The following KLHL3 variants were observed in gnomAD, a reference collection of about 807,000 sequenced individuals.
The protein encoded by KLHL3 is kelch like family member 3.
KLHL3 carries 19 observed loss-of-function variants against 70.5 expected under a neutral mutation model. The observed-to-expected ratio is 0.27, with a 90% confidence interval of 0.19 to 0.40. KLHL3 has a LOEUF of 0.40. Among genes scored for constraint, KLHL3 ranks in the 10% least tolerant of loss-of-function variants. The pLI is 1.00. For synonymous variants in KLHL3, 258 were observed against 290.3 expected (o/e 0.89, Z 1.13); for missense variants, 512 against 771.1 (o/e 0.66, Z 3.98).
intron 1 of KLHL3, among the ~76,000 whole-genome samples, chr5:137,734,278 C>A (rs1753226535): frequency 6.6e-6 from 1 of 152,212 alleles, no homozygotes; most frequent in East Asian, 1.9e-4. Context: ...ACACTGCTCA[C>A]CTCTGCCCCA....
At chr5:137,690,220 G>T (rs368358068) in intron 5 of KLHL3, among the ~76,000 whole-genome samples, 5 of 152,024 alleles carry the variant, frequency 3.3e-5, no homozygotes, top group African/African-American at 1.2e-4. Flanking sequence ...CCAGCTACTC[G>T]GGAGGCTGAG....
intron 8 of KLHL3, among the ~76,000 whole-genome samples, chr5:137,649,970 C>G (rs192784978): frequency 7.2e-4 from 110 of 152,254 alleles, no homozygotes; most frequent in Non-Finnish European, 2.2e-4. Context: ...TCAGTTGTCT[C>G]CAACATTAAA....
intron 12 of KLHL3, chr5:137,630,073 G>A (rs1750596554): frequency 6.6e-6 from 1 of 152,124 alleles, no homozygotes; most frequent in Non-Finnish European, 1.5e-5. Context: ...TTGGTCTCTG[G>A]GTCTTCAGCC....
chr5:137,702,419 AG>A (rs1752589796), intron 3 of KLHL3, among the ~76,000 whole-genome samples: 1 of 152,220 alleles, frequency 6.6e-6, no homozygotes, highest in Non-Finnish European at 1.5e-5. Context: ...AAAGGTCTGG[AG>A]GTAACAAAGG....
chr5:137,647,551 G>A (rs754863396), intron 8 of KLHL3: 30 of 472,148 alleles, frequency 6.4e-5, no homozygotes, highest in Middle Eastern at 6.5e-4. Context: ...TTCTGTGACC[G>A]GTGAGCTGGG....
chr5:137,627,710 C>T (rs1168424476), intron 13 of KLHL3, among the ~76,000 whole-genome samples: 3 of 152,114 alleles, frequency 2.0e-5, no homozygotes, highest in African/African-American at 7.2e-5. Flanking sequence ...GGGCCTCATG[C>T]TCCAAGAAAT....
chr5:137,681,414 G>C (rs1296404661), intron 5 of KLHL3, among the ~76,000 whole-genome samples: 1 of 152,166 alleles, frequency 6.6e-6, no homozygotes, highest in African/African-American at 2.4e-5. Context: ...ACATGACTGA[G>C]AGAGGTACTT....
chr5:137,658,834 T>C (rs1424315149), intron 7 of KLHL3, among the ~76,000 whole-genome samples: 1 of 152,176 alleles, frequency 6.6e-6, no homozygotes, highest in East Asian at 1.9e-4. Flanking sequence ...AATCGGCCAG[T>C]GAGGCTCCTT....
intron 5 of KLHL3, among the ~76,000 whole-genome samples, chr5:137,685,943 C>T (rs1205770237): frequency 6.6e-6 from 1 of 152,154 alleles, no homozygotes; most frequent in Non-Finnish European, 1.5e-5. Context: ...TTCTTTCCAC[C>T]CATGTGCTTT....
At position 137,709,758 on chromosome 5, in the gene KLHL3, A is replaced by G; in HGVS notation, c.233T>C (p.Met78Thr). Residue 78 changes from methionine (M) to threonine (T), a missense_variant, in exon 3 of 15, where the codon ATG becomes ACG. Met to Thr is a moderately conservative substitution (Grantham distance 81). Coordinates refer to ENST00000309755, the MANE Select transcript of KLHL3 (RefSeq NM_017415.3). ...GTGGCCACTCACCATACCTGTGAAC[A>G]TCGCACAGAAGTAGGGGCTGCAGGC... is the stretch of plus-strand genomic sequence containing the variant. Reference protein sequence around the residue: ...LAACSPYFCAMFTGDMSESKA... With the variant: ...LAACSPYFCATFTGDMSESKA... 1 of 1,613,414 alleles carries G rather than the reference A, an allele frequency of 6.2e-7. No homozygotes were observed. Among genetic ancestry groups the G allele is most frequent in the Non-Finnish European group, 8.5e-7 (1 of 1,179,410 alleles).
chr5:137,652,977 T>C (rs1277668486), intron 8 of KLHL3: 1 of 151,728 alleles, frequency 6.6e-6, no homozygotes, highest in Non-Finnish European at 1.5e-5. Context: ...GCGCGGTGGC[T>C]CACGTCTGTA....
chr5:137,708,513 A>T (rs1051829990), intron 3 of KLHL3, among the ~76,000 whole-genome samples: 6 of 152,202 alleles, frequency 3.9e-5, no homozygotes, highest in African/African-American at 1.2e-4. Flanking sequence ...TGCAGGAGAT[A>T]CTTCACTCAC....
chr5:137,734,043 C>T (rs140643467), intron 1 of KLHL3, among the ~76,000 whole-genome samples: 56 of 152,304 alleles, frequency 3.7e-4, no homozygotes, highest in African/African-American at 1.2e-3. Flanking sequence ...AGCTGAGAGG[C>T]CCCAGGACAG....
intron 8 of KLHL3, among the ~76,000 whole-genome samples, chr5:137,655,960 C>G (rs1327662324): frequency 7.4e-6 from 1 of 135,174 alleles, no homozygotes; most frequent in Non-Finnish European, 1.5e-5. Flanking sequence ...CACTGCACTC[C>G]GGCCTGGGTA....
At chr5:137,732,881 GA>G (rs1482702724) in intron 1 of KLHL3, among the ~76,000 whole-genome samples, 1 of 152,016 alleles carries the variant, frequency 6.6e-6, no homozygotes, top group Non-Finnish European at 1.5e-5. Flanking sequence ...AATTAGTTCT[GA>G]AAAAAATGTG....
intron 6 of KLHL3, among the ~76,000 whole-genome samples, chr5:137,676,952 G>C (rs776191529): frequency 3.9e-5 from 6 of 152,182 alleles, no homozygotes; most frequent in Non-Finnish European, 5.9e-5. Flanking sequence ...GGTGGAATGA[G>C]CCCAAGAACA....
At chr5:137,720,339 G>A (rs1013510877) in intron 2 of KLHL3, 126 bp downstream of exon 2, 68 of 1,117,320 alleles carry the variant, frequency 6.1e-5, no homozygotes, top group African/African-American at 4.1e-4. Context: ...GAACTCAAGT[G>A]ACTAAGAATG....
Position 137,628,402 on chromosome 5 carries a change from C to T in KLHL3, c.1486G>A (p.Gly496Ser). 6.2e-7 allele frequency: 1 copy of T among 1,614,188 alleles called. No homozygotes were observed. Among genetic ancestry groups the T allele is most frequent in the Non-Finnish European group, 8.5e-7 (1 of 1,180,044 alleles). The change falls in exon 13 of 15, where the codon GGT becomes AGT. Residue 496 changes from glycine (G) to serine (S), a missense_variant. Coordinates refer to ENST00000309755, the MANE Select transcript of KLHL3 (RefSeq NM_017415.3). ...CTCACCAAAGGCCCATCATGCCCAC[C>T]TGTGGCGTACAGCTGTCCGCTAAGC... The part of the protein sequence containing the change: ...GVLSGQLYAT[G>S]GHDGPLVRKS...
At chr5:137,622,262 G>A (rs2149874490) in intron 14 of KLHL3, 136 bp from the exon 15 acceptor site, 1 of 1,031,354 alleles carries the variant, frequency 9.7e-7, no homozygotes, top group South Asian at 1.5e-5. Flanking sequence ...ATATTGAAGT[G>A]GACTCAGGCT....
Sources: gnomAD v4.1 joint callset for allele counts (sites outside exome capture counted in the v4.1 genomes callset) on GRCh38, gnomAD v4.1.1 for gene constraint, MANE v1.5 for transcripts, NCBI Gene and HGNC (gene_info 2026-07-23, HGNC 2026-07-21) for gene names.